IGFBP4: variants seen among roughly 807,000 people sequenced by gnomAD.
IGFBP4 encodes the protein insulin like growth factor binding protein 4, also known as insulin-like growth factor-binding protein 4.
In IGFBP4, 9 loss-of-function variants were observed where a neutral mutation model predicts 25.8. The ratio of observed to expected loss-of-function variants is 0.35; its 90% confidence interval spans 0.21 to 0.61. IGFBP4 has a LOEUF of 0.61. Among genes scored for constraint, IGFBP4 ranks in the 20% least tolerant of loss-of-function variants. IGFBP4 has a pLI of 0.77. For missense variants in IGFBP4, 315 were observed against 365.3 expected, an observed-to-expected ratio of 0.86 and a Z score of 1.12; for synonymous variants, 153 against 153.9, an observed-to-expected ratio of 0.99 and a Z score of 0.05.
chr17:40,455,909 C>T (rs2035711784), intron 3 of IGFBP4, among the ~76,000 whole-genome samples: 1 of 152,176 alleles, frequency 6.6e-6, no homozygotes, highest in Non-Finnish European at 1.5e-5. Context: ...CCCCCTGAAC[C>T]TTCTACTATC....
rs55998075 is a variant in IGFBP4, at chr17:40,456,717, G to A, written c.*134G>A. The A allele has an allele frequency of 2.2e-5, 18 of 808,502 alleles. No homozygotes were observed. Among genetic ancestry groups the A allele is most frequent in the Non-Finnish European group, 2.9e-5 (15 of 521,024 alleles). The allele number at this position is 808,502 out of a possible 1,614,324, so 50.1% of individuals were successfully genotyped here. A position where few individuals can be genotyped will look rare whatever the true frequency, so the allele number is the denominator to read the frequency against. On this transcript the variant is annotated 3_prime_UTR_variant, in exon 4 of 4. Coordinates refer to ENST00000269593, the MANE Select transcript of IGFBP4 (RefSeq NM_001552.3). ...GCCCAGAAGTTTCCCTCAAATGCGCGTGTGCACGTGTGCGTGTGCGTGCGT... is the reference window on the plus strand; with the variant it reads ...GCCCAGAAGTTTCCCTCAAATGCGCATGTGCACGTGTGCGTGTGCGTGCGT...
Position 40,453,660 on chromosome 17 carries a change from T to TCCCACAG in IGFBP4, c.508-264_508-258dup, listed in dbSNP as rs2035698655. On this transcript the variant is annotated intron_variant, in intron 2 of 3. Transcript: ENST00000269593. The surrounding 1 kb of genome is among the most constrained non-coding windows in gnomAD (Gnocchi z 4.0). ...CCCCTCCCTGGCTTTCTGCATAGGT[T>TCCCACAG]CCCACAGCCCCTTTCCCCACAGTGT... Among the ~76,000 whole-genome samples the TCCCACAG allele has an allele frequency of 6.6e-6, 1 of 152,074 alleles. No homozygotes were observed. The highest frequency in any genetic ancestry group is 1.5e-5 in the Non-Finnish European group (1 of 67,992).
chr17:40,444,938 G>C (rs991017779), intron 1 of IGFBP4, among the ~76,000 whole-genome samples: 2,014 of 36,056 alleles, frequency 0.056, 29 homozygotes, highest in South Asian at 0.085. Flanking sequence ...GAGACAGAGA[G>C]AGAGAGAGAG....
rs1567798953 is a variant in IGFBP4, at chr17:40,443,463, C to T, written c.-273C>T. On this transcript the variant is annotated 5_prime_UTR_variant, in exon 1 of 4. Transcript: ENST00000269593. ...CCGGTCCCGGGCAGCCGCTCAGCCC[C>T]CTGCCCCTCGCCGCCCGCCGCCTGC... The T allele has an allele frequency of 6.4e-6, 1 of 156,962 alleles. No homozygotes were observed. Among genetic ancestry groups the T allele is most frequent in the Non-Finnish European group, 1.4e-5 (1 of 71,600 alleles). The allele number at this position is 156,962 out of a possible 1,614,324, so 9.7% of individuals were successfully genotyped here. A position where few individuals can be genotyped will look rare whatever the true frequency, so the allele number is the denominator to read the frequency against.
rs1170846651 is a variant in IGFBP4, at chr17:40,456,692, G to A, written c.*109G>A. The A allele has an allele frequency of 1.7e-6, 2 of 1,166,442 alleles. No individual in the cohort carries two copies. Among genetic ancestry groups the A allele is most frequent in the Non-Finnish European group, 2.4e-6 (2 of 830,158 alleles). The allele number at this position is 1,166,442 out of a possible 1,614,324, so 72.3% of individuals were successfully genotyped here. ...AGTCTGAGTCCTGTCTCTGCCTGCG[G>A]CCCAGAAGTTTCCCTCAAATGCGCG... On this transcript the variant is annotated 3_prime_UTR_variant, in exon 4 of 4. Transcript: ENST00000269593.
Position 40,456,886 on chromosome 17 carries a change from G to T in IGFBP4, c.*303G>T, listed in dbSNP as rs749661906. On this transcript the variant is annotated 3_prime_UTR_variant, in exon 4 of 4. Coordinates refer to ENST00000269593, the MANE Select transcript of IGFBP4 (RefSeq NM_001552.3). ...CCTGGTGTGTTTCCAGATCGATCCT[G>T]GATTCACTCACTCACTCATTCCTTC... 2 of 378,808 alleles carry T rather than the reference G, an allele frequency of 5.3e-6. No homozygotes were observed. The highest frequency in any genetic ancestry group is 9.5e-6 in the Non-Finnish European group (2 of 211,020). The allele number at this position is 378,808 out of a possible 1,614,324, so 23.5% of individuals were successfully genotyped here. A position where few individuals can be genotyped will look rare whatever the true frequency, so the allele number is the denominator to read the frequency against.
intron 3 of IGFBP4, among the ~76,000 whole-genome samples, chr17:40,455,700 C>T (rs1375044120): frequency 6.6e-6 from 1 of 152,102 alleles, no homozygotes. Flanking sequence ...CCAGGCTGGT[C>T]TCGAACTCCG....
rs373309459 is a variant in IGFBP4 at position 40,450,200 on chromosome 17, A to G, written c.350-2785A>G. ...TTTTTTGTAGAGATAGGGTTTCACT[A>G]TGTTTCCTAGGCTGGTCTTGAACTC... On this transcript the variant is annotated intron_variant, in intron 1 of 3. Transcript: ENST00000269593. Among the ~76,000 whole-genome samples the G allele has an allele frequency of 2.7e-3, 417 of 152,090 alleles. 1 individual carries two copies. The highest frequency in any genetic ancestry group is 9.4e-3 in the African/African-American group (390 of 41,488).
intron 3 of IGFBP4, among the ~76,000 whole-genome samples, chr17:40,454,899 C>A (rs1419808005): frequency 2.6e-5 from 4 of 152,146 alleles, no homozygotes; most frequent in African/African-American, 9.7e-5. Flanking sequence ...GACAAATCCA[C>A]AATTTGAGCT....
chr17:40,443,936 C>A lies in IGFBP4; in HGVS notation c.201C>A (p.Cys67Ter), dbSNP rs2035625389. Reference protein sequence around the residue: ...ATCALGLGMPCGVYTPRCGSG... With the variant: ...ATCALGLGMP ...GCGCCCTGGGCTTGGGGATGCCCTG[C>A]GGGGTGTACACCCCCCGTTGCGGCT... The change falls in exon 1 of 4, where the codon TGC becomes TGA. Residue 67 changes from cysteine (C) to a stop codon, truncating the protein, a stop_gained. Transcript: ENST00000269593. LOFTEE classifies it high-confidence loss of function. The A allele has an allele frequency of 6.5e-7, 1 of 1,531,718 alleles. No individual in the cohort carries two copies. Among genetic ancestry groups the A allele is most frequent in the Non-Finnish European group, 8.7e-7 (1 of 1,144,260 alleles). The allele number at this position is 1,531,718 out of a possible 1,614,324, so 94.9% of individuals were successfully genotyped here. A position where few individuals can be genotyped will look rare whatever the true frequency, so the allele number is the denominator to read the frequency against.
At chr17:40,448,234 G>T (rs552920427) in intron 1 of IGFBP4, among the ~76,000 whole-genome samples, 1 of 152,372 alleles carries the variant, frequency 6.6e-6, no homozygotes, top group African/African-American at 2.4e-5. Context: ...AGGGGCTGGC[G>T]TTGGGGAGAA....
In IGFBP4 at chr17:40,449,320, C is replaced by A. The variant is rs139122376; in HGVS notation, c.350-3665C>A. Among the ~76,000 whole-genome samples, 598 of 152,246 alleles carry A rather than the reference C, an allele frequency of 3.9e-3. 3 individuals carry two copies. Among genetic ancestry groups the A allele is most frequent in the African/African-American group, 0.014 (574 of 41,534 alleles). On this transcript the variant is annotated intron_variant, in intron 1 of 3. Coordinates refer to ENST00000269593, the MANE Select transcript of IGFBP4 (RefSeq NM_001552.3). ...CCTCTGAGGGTTAGTTATTTGTGAA[C>A]TTTGACTCGTAAAAGCTCAGCACTG...
In IGFBP4 at chr17:40,453,032, G is replaced by A. The variant is rs775881002; in HGVS notation, c.397G>A (p.Ala133Thr). 77 of 1,592,892 alleles carry A rather than the reference G, an allele frequency of 4.8e-5. No individual in the cohort carries two copies. Among genetic ancestry groups the A allele is most frequent in the South Asian group, 1.0e-4 (9 of 87,522 alleles). ...CAACAACAGCTTCAGCCCCTGTAGC[G>A]CCCATGACCGCAGGTGCCTGCAGAA... ...HPNNSFSPCSAHDRRCLQKHF... is the reference protein window; with the variant it reads ...HPNNSFSPCSTHDRRCLQKHF... Residue 133 changes from alanine (A) to threonine (T), a missense_variant, in exon 2 of 4, where the codon GCC becomes ACC. Coordinates refer to ENST00000269593, the MANE Select transcript of IGFBP4 (RefSeq NM_001552.3). This position sits in a 1 kb window ranked among gnomAD's most constrained non-coding sequence, Gnocchi z 4.0.
Position 40,453,879 on chromosome 17 carries a change from T to A in IGFBP4, c.508-49T>A. The A allele has an allele frequency of 6.8e-7, 1 of 1,470,372 alleles. No homozygotes were observed. The highest frequency in any genetic ancestry group is 9.3e-7 in the Non-Finnish European group (1 of 1,072,154). 91.1% of individuals were successfully genotyped at this position (1,470,372 alleles called of 1,614,324 possible). A position where few individuals can be genotyped will look rare whatever the true frequency, so the allele number is the denominator to read the frequency against. On this transcript the variant is annotated intron_variant, in intron 2 of 3. Transcript: ENST00000269593. This position sits in a 1 kb window ranked among gnomAD's most constrained non-coding sequence, Gnocchi z 4.0. Reference sequence around the variant, plus strand: ...TTAGCTCTGACCCCAGGCCTGGGCCTCCTGCCTCTCTTCCTTCTGCTGAGC... The same window carrying A: ...TTAGCTCTGACCCCAGGCCTGGGCCACCTGCCTCTCTTCCTTCTGCTGAGC...
intron 1 of IGFBP4, 53 bp downstream of exon 1, chr17:40,444,137 G>C: frequency 7.2e-7 from 1 of 1,389,448 alleles, no homozygotes; most frequent in Non-Finnish European, 9.8e-7. Flanking sequence ...CCTTCCCAGC[G>C]GCTTCTTCCC....
Position 40,456,813 on chromosome 17 carries a change from C to A in IGFBP4, c.*230C>A, listed in dbSNP as rs2035717821. 1.8e-6 allele frequency: 1 copy of A among 547,802 alleles called. No individual in the cohort carries two copies. The allele number at this position is 547,802 out of a possible 1,614,324, so 33.9% of individuals were successfully genotyped here. On this transcript the variant is annotated 3_prime_UTR_variant, in exon 4 of 4. Transcript: ENST00000269593. ...GCCTGGGGTGTTCTCTTTGGTGTTA[C>A]ACAGCCCAAGAGGACTGAGACTGGC...
chr17:40,446,298 G>A (rs1297895906), intron 1 of IGFBP4, among the ~76,000 whole-genome samples: 6 of 133,600 alleles, frequency 4.5e-5, no homozygotes, highest in Non-Finnish European at 6.3e-5. Flanking sequence ...CAGCCTGGGC[G>A]ACTCTATTTC....
chr17:40,455,961 C>A (rs1290681146), intron 3 of IGFBP4, among the ~76,000 whole-genome samples: 1 of 152,182 alleles, frequency 6.6e-6, no homozygotes, highest in African/African-American at 2.4e-5. Flanking sequence ...GTTATTCTGA[C>A]CTTGACCTCT....
At chr17:40,456,349 C>T in intron 3 of IGFBP4, 100 bp from the exon 4 acceptor site, 1 of 1,259,304 alleles carries the variant, frequency 7.9e-7, no homozygotes, top group Non-Finnish European at 1.1e-6. Context: ...GAAGCAGCGA[C>T]CGTCTGACTT....
Sources: allele counts gnomAD v4.1 joint callset (sites outside exome capture counted in the v4.1 genomes callset), GRCh38; gene constraint gnomAD v4.1.1; non-coding constraint Gnocchi (gnomAD v3.1); transcripts MANE v1.5; gene names NCBI Gene and HGNC (gene_info 2026-07-23, HGNC 2026-07-21).